Variants in ZNF385D observed in about 807,000 individuals in gnomAD.
The protein encoded by ZNF385D is zinc finger protein 385D.
ZNF385D carries 15 observed loss-of-function variants against 35.8 expected under a neutral mutation model. The observed-to-expected ratio is 0.42, with a 90% CI of 0.28 to 0.64. The LOEUF is 0.64. Ranked by LOEUF, ZNF385D falls within the 30% of genes least tolerant of loss-of-function variation. The probability of loss-of-function intolerance (pLI) is 0.23; values close to 1 mark genes in which losing one functional copy is unlikely to be tolerated. For synonymous variants in ZNF385D, 212 were observed against 186.8 expected (o/e 1.13, Z -1.10); for missense variants, 474 against 494.6 (o/e 0.96, Z 0.39).
At chr3:21,458,629 G>T (rs993736640) in intron 4 of ZNF385D, among the ~76,000 whole-genome samples, 12 of 152,054 alleles carry the variant, frequency 7.9e-5, no homozygotes, top group African/African-American at 2.2e-4. Context: ...AAGGGACAAA[G>T]CCATGGCAAA....
At chr3:21,543,243 A>G (rs2062243197) in intron 3 of ZNF385D, among the ~76,000 whole-genome samples, 1 of 152,104 alleles carries the variant, frequency 6.6e-6, no homozygotes, top group South Asian at 2.1e-4. Context: ...GCTGGCTGGG[A>G]GGCGGAGGTT....
chr3:21,739,105 G>C (rs1375266518), intron 1 of ZNF385D, among the ~76,000 whole-genome samples: 1 of 152,184 alleles, frequency 6.6e-6, no homozygotes, highest in East Asian at 1.9e-4. Context: ...GGCTTTCCTG[G>C]GTAGTGACTG....
intron 3 of ZNF385D, among the ~76,000 whole-genome samples, chr3:21,934,798 G>T (rs1227589781): frequency 6.6e-6 from 1 of 152,174 alleles, no homozygotes; most frequent in Non-Finnish European, 1.5e-5. Context: ...TAACAGATGA[G>T]CTTGTTTTGC....
At chr3:22,048,854 TATTA>T (rs528333346) in intron 3 of ZNF385D, among the ~76,000 whole-genome samples, 6 of 152,336 alleles carry the variant, frequency 3.9e-5, no homozygotes, top group African/African-American at 1.2e-4. Flanking sequence ...CAATAATAAT[TATTA>T]ATTCTTTCAA....
Position 21,918,538 on chromosome 3 carries a change from G to A in ZNF385D, c.325+250279C>T, listed in dbSNP as rs115239336. ...TTTCATTACTCAAATTGGATTATAT[G>A]TGAAATGCTCATAATTTTCACATTA... On this transcript the variant is annotated intron_variant, in intron 3 of 5. Coordinates refer to the ZNF385D transcript ENST00000494108. Among the ~76,000 whole-genome samples, 774 of 152,226 alleles carry A rather than the reference G, an allele frequency of 5.1e-3. 8 individuals are homozygous for A. The highest frequency in any genetic ancestry group is 0.018 in the African/African-American group (738 of 41,548).
At chr3:21,451,271 C>T (rs1435809051) in intron 4 of ZNF385D, among the ~76,000 whole-genome samples, 1 of 151,816 alleles carries the variant, frequency 6.6e-6, no homozygotes, top group Non-Finnish European at 1.5e-5. Flanking sequence ...TTCTGAGACG[C>T]TAATAAAAAA....
chr3:22,356,916 A>G (rs1696177992), intron 2 of ZNF385D, among the ~76,000 whole-genome samples: 1 of 151,948 alleles, frequency 6.6e-6, no homozygotes, highest in Admixed American at 6.6e-5. Context: ...ATCAGAGTCT[A>G]CTATTAAGTG....
intron 2 of ZNF385D, among the ~76,000 whole-genome samples, chr3:22,346,144 T>C (rs561102313): frequency 6.6e-6 from 1 of 152,326 alleles, no homozygotes; most frequent in African/African-American, 2.4e-5. Flanking sequence ...TGAATTTATT[T>C]TCATATTTCC....
At chr3:21,922,430 C>G (rs188389271) in intron 3 of ZNF385D, among the ~76,000 whole-genome samples, 4 of 152,172 alleles carry the variant, frequency 2.6e-5, no homozygotes, top group Admixed American at 2.0e-4. Context: ...GGTACTGGTA[C>G]AAAAGCAGAT....
intron 3 of ZNF385D, among the ~76,000 whole-genome samples, chr3:22,068,340 C>T (rs1432847366): frequency 6.6e-6 from 1 of 152,108 alleles, no homozygotes; most frequent in Non-Finnish European, 1.5e-5. Flanking sequence ...ACACTCTGAG[C>T]TACACTTTAC....
rs1700509967 is a variant in ZNF385D at position 21,412,749 on chromosome 3, TAAAG to T, written c.*8461_*8464del. On this transcript the variant is annotated 3_prime_UTR_variant, in exon 8 of 8. Coordinates refer to ENST00000281523, the MANE Select transcript of ZNF385D (RefSeq NM_024697.3). Reference sequence around the variant, plus strand: ...TTTTACTAAAACTGAAAATTCATCTTAAAGAATTCCTAATAAAAATAAATATTAA... The same window carrying T: ...TTTTACTAAAACTGAAAATTCATCTTAATTCCTAATAAAAATAAATATTAA... 1.3e-5 allele frequency: 2 copies of T among 152,078 alleles called. No individual in the cohort carries two copies. The highest frequency in any genetic ancestry group is 6.6e-5 in the Admixed American group (1 of 15,246). 9.4% of individuals were successfully genotyped at this position (152,078 alleles called of 1,614,324 possible). A position where few individuals can be genotyped will look rare whatever the true frequency, so the allele number is the denominator to read the frequency against.
rs549779475 is a variant in ZNF385D at position 22,115,024 on chromosome 3, G to A, written c.325+53793C>T. ...AAGAAATCAATCTCTTCTCTTTTCTGTATAAATTAGCCAGTTTCAAGTATT... is the reference window on the plus strand; with the variant it reads ...AAGAAATCAATCTCTTCTCTTTTCTATATAAATTAGCCAGTTTCAAGTATT... On this transcript the variant is annotated intron_variant, in intron 3 of 5. Coordinates refer to the ZNF385D transcript ENST00000494108. Among the ~76,000 whole-genome samples the A allele has an allele frequency of 6.6e-5, 10 of 152,140 alleles. 1 individual carries two copies. Among genetic ancestry groups the A allele is most frequent in the African/African-American group, 2.4e-4 (10 of 41,536 alleles).
chr3:21,931,724 G>A (rs950982911), intron 3 of ZNF385D, among the ~76,000 whole-genome samples: 1 of 152,042 alleles, frequency 6.6e-6, no homozygotes, highest in South Asian at 2.1e-4. Context: ...AGACAAGAGG[G>A]GTATTTGGGG....
At chr3:21,725,540 G>C (rs1031967808) in intron 1 of ZNF385D, among the ~76,000 whole-genome samples, 2 of 152,082 alleles carry the variant, frequency 1.3e-5, no homozygotes, top group South Asian at 2.1e-4. Context: ...TACCATCAGA[G>C]AACAGTATAA....
intron 2 of ZNF385D, among the ~76,000 whole-genome samples, chr3:22,285,530 CTT>C (rs1184081600): frequency 6.6e-6 from 1 of 151,876 alleles, no homozygotes; most frequent in African/African-American, 2.4e-5. Context: ...TATTCAATAA[CTT>C]TATTTATTTT....
At chr3:22,167,015 A>T (rs993041986) in intron 3 of ZNF385D, among the ~76,000 whole-genome samples, 3 of 152,242 alleles carry the variant, frequency 2.0e-5, no homozygotes, top group Non-Finnish European at 4.4e-5. Context: ...ACATTTTAAA[A>T]TCATGACTTA....
chr3:22,128,316 T>C (rs1703562741), intron 3 of ZNF385D, among the ~76,000 whole-genome samples: 3 of 152,168 alleles, frequency 2.0e-5, no homozygotes, highest in Admixed American at 2.0e-4. Context: ...TTAGAATCTT[T>C]CCCTTATTCT....
chr3:21,943,992 G>T (rs1436718136), intron 3 of ZNF385D, among the ~76,000 whole-genome samples: 4 of 152,142 alleles, frequency 2.6e-5, no homozygotes, highest in Non-Finnish European at 4.4e-5. Context: ...CCATGGAATT[G>T]CATTCAACAA....
At chr3:21,997,463 T>G (rs1695539228) in intron 3 of ZNF385D, among the ~76,000 whole-genome samples, 1 of 152,038 alleles carries the variant, frequency 6.6e-6, no homozygotes, top group Admixed American at 6.6e-5. Context: ...CAAATCTGCA[T>G]GTTGTGCACA....
Sources: allele counts gnomAD v4.1 joint callset (sites outside exome capture counted in the v4.1 genomes callset), GRCh38; gene constraint gnomAD v4.1.1; transcripts MANE v1.5; gene names NCBI Gene and HGNC (gene_info 2026-07-23, HGNC 2026-07-21).